The following ITGB3BP variants were observed in gnomAD, a reference collection of about 807,000 sequenced individuals.
The protein encoded by ITGB3BP is integrin subunit beta 3 binding protein, also known as centromere protein R.
In ITGB3BP, 27 loss-of-function variants were observed where a neutral mutation model predicts 29.1. That is an observed-to-expected ratio of 0.93 (90% CI 0.68 to 1.28). The LOEUF is 1.28. Ranked by LOEUF, ITGB3BP falls within the 50% of genes most tolerant of loss-of-function variation. The pLI is 0.00. For missense variants in ITGB3BP, 192 were observed against 200.2 expected (o/e 0.96, Z 0.25); for synonymous variants, 61 against 61.4 (o/e 0.99, Z 0.03).
At chr1:63,507,021 G>C (rs932449011) in intron 2 of ITGB3BP, among the ~76,000 whole-genome samples, 6 of 152,194 alleles carry the variant, frequency 3.9e-5, no homozygotes, top group Admixed American at 2.6e-4. Context: ...TGTAGCCATG[G>C]AGAGAAGCCC....
chr1:63,492,189 C>CTGTGTGTGTGTGTGTGTGTGTGTGTG (rs10610086), intron 2 of ITGB3BP, among the ~76,000 whole-genome samples: 1 of 148,966 alleles, frequency 6.7e-6, no homozygotes, highest in African/African-American at 2.5e-5. Context: ...TGCATGTGCT[C>CTGTGTGTGTGTGTGTGTGTGTGTGTG]TGTGTGTGTG....
At chr1:63,441,701 T>C (rs1180900832) in intron 8 of ITGB3BP, among the ~76,000 whole-genome samples, 2 of 152,224 alleles carry the variant, frequency 1.3e-5, no homozygotes, top group African/African-American at 2.4e-5. Context: ...CCTTTGTCTA[T>C]AAGCCTTAGG....
intron 1 of ITGB3BP, among the ~76,000 whole-genome samples, chr1:63,519,631 A>G (rs1646406547): frequency 6.6e-6 from 1 of 152,226 alleles, no homozygotes; most frequent in Non-Finnish European, 1.5e-5. Context: ...AAATTATATA[A>G]CTTTGAATAT....
intron 2 of ITGB3BP, among the ~76,000 whole-genome samples, chr1:63,500,580 A>G (rs1041138950): frequency 1.3e-5 from 2 of 152,208 alleles, no homozygotes; most frequent in Admixed American, 6.5e-5. Flanking sequence ...TCAGAAAACT[A>G]TAAGACTTGT....
At chr1:63,504,848 C>A (rs1270058762) in intron 2 of ITGB3BP, among the ~76,000 whole-genome samples, 4 of 152,094 alleles carry the variant, frequency 2.6e-5, no homozygotes, top group Non-Finnish European at 5.9e-5. Flanking sequence ...GCCTTGCATC[C>A]CAGGGATGAG....
chr1:63,447,612 G>T, intron 7 of ITGB3BP: 2 of 497,336 alleles, frequency 4.0e-6, no homozygotes, highest in Non-Finnish European at 8.0e-6. Flanking sequence ...ATCTGAGGCT[G>T]ACCTTAAAGG....
chr1:63,505,370 T>C (rs1646050732), intron 2 of ITGB3BP, among the ~76,000 whole-genome samples: 2 of 152,180 alleles, frequency 1.3e-5, no homozygotes, highest in African/African-American at 2.4e-5. Context: ...CCCTTTATCA[T>C]TTTTTATTGC....
chr1:63,523,206 C>G lies in ITGB3BP; in HGVS notation c.-73G>C. 6.2e-7 allele frequency: 1 copy of G among 1,605,232 alleles called. No individual in the cohort carries two copies. Among genetic ancestry groups the G allele is most frequent in the Non-Finnish European group, 8.5e-7 (1 of 1,173,604 alleles). On this transcript the variant is annotated 5_prime_UTR_variant, in exon 1 of 9. Transcript: ENST00000271002. ...CAACTTCCGAAAACAGAAAATCCGC[C>G]AAAGGAAACGCCAAGGCATGAAAAG...
chr1:63,460,911 T>A (rs1645005631), intron 4 of ITGB3BP, among the ~76,000 whole-genome samples: 1 of 152,000 alleles, frequency 6.6e-6, no homozygotes, highest in Admixed American at 6.6e-5. Context: ...TATTTTCATG[T>A]GTTTATTGGC....
intron 3 of ITGB3BP, among the ~76,000 whole-genome samples, chr1:63,482,606 A>G (rs575052812): frequency 6.6e-6 from 1 of 152,008 alleles, no homozygotes; most frequent in African/African-American, 2.4e-5. Context: ...TGGAGGGTAA[A>G]TAACCTCTTT....
At chr1:63,491,102 T>C (rs1192108154) in intron 2 of ITGB3BP, among the ~76,000 whole-genome samples, 1 of 152,164 alleles carries the variant, frequency 6.6e-6, no homozygotes, top group East Asian at 1.9e-4. Flanking sequence ...ACATCCTCTT[T>C]TTTATCTTCC....
At chr1:63,465,247 A>G (rs374652244) in intron 4 of ITGB3BP, among the ~76,000 whole-genome samples, 3 of 152,318 alleles carry the variant, frequency 2.0e-5, no homozygotes, top group Admixed American at 6.5e-5. Context: ...GAATGAAAGT[A>G]CATGTGACAA....
chr1:63,471,383 C>G (rs1362155611), intron 4 of ITGB3BP, among the ~76,000 whole-genome samples: 2 of 151,118 alleles, frequency 1.3e-5, no homozygotes, highest in South Asian at 2.1e-4. Context: ...TCCCAAGTAG[C>G]TGGGACTACA....
intron 7 of ITGB3BP, among the ~76,000 whole-genome samples, chr1:63,452,640 T>C (rs1644877644): frequency 7.8e-6 from 1 of 127,694 alleles, no homozygotes; most frequent in East Asian, 2.1e-4. Flanking sequence ...TTTCTTTTTT[T>C]TTTTTTTAAA....
chr1:63,496,220 G>A (rs992253958), intron 2 of ITGB3BP, among the ~76,000 whole-genome samples: 61 of 152,008 alleles, frequency 4.0e-4, no homozygotes, highest in African/African-American at 1.4e-3. Context: ...AGCCTCCTGA[G>A]TAATTGGGAC....
upstream of ITGB3BP, among the ~76,000 whole-genome samples, chr1:63,526,286 A>G (rs1201310844): frequency 6.6e-6 from 1 of 152,118 alleles, no homozygotes; most frequent in African/African-American, 2.4e-5. Flanking sequence ...TCTCATTACA[A>G]AGGTCCCCAA....
intron 2 of ITGB3BP, among the ~76,000 whole-genome samples, chr1:63,502,101 C>T (rs1444467486): frequency 6.6e-6 from 1 of 152,104 alleles, no homozygotes; most frequent in Non-Finnish European, 1.5e-5. Flanking sequence ...GGCCAGGTAG[C>T]CAGTTGTCCA....
At chr1:63,499,954 C>A (rs1012070260) in intron 2 of ITGB3BP, among the ~76,000 whole-genome samples, 8 of 152,292 alleles carry the variant, frequency 5.3e-5, no homozygotes, top group African/African-American at 1.9e-4. Context: ...GCTCTTGCCA[C>A]TTCTACTTAA....
chr1:63,459,486 T>C (rs932774123), intron 4 of ITGB3BP, among the ~76,000 whole-genome samples: 1 of 152,154 alleles, frequency 6.6e-6, no homozygotes, highest in Non-Finnish European at 1.5e-5. Flanking sequence ...GGTAAATAGG[T>C]CACTGAATCT....
Sources: gnomAD v4.1 joint callset for allele counts (sites outside exome capture counted in the v4.1 genomes callset) on GRCh38, gnomAD v4.1.1 for gene constraint, MANE v1.5 for transcripts, NCBI Gene and HGNC (gene_info 2026-07-23, HGNC 2026-07-21) for gene names.